FBXO10: variants seen among roughly 807,000 people sequenced by gnomAD.
The protein encoded by FBXO10 is F-box only protein 10.
In FBXO10, 39 loss-of-function variants were observed where a neutral mutation model predicts 80.7. The observed-to-expected ratio is 0.48, with a 90% CI of 0.37 to 0.63. The LOEUF is 0.63. Among genes scored for constraint, FBXO10 ranks in the 30% least tolerant of loss-of-function variants. The probability of loss-of-function intolerance (pLI) is 0.00; values close to 1 mark genes in which losing one functional copy is unlikely to be tolerated. For missense variants in FBXO10, 1,025 were observed against 1,269.0 expected (o/e 0.81, Z 2.92); for synonymous variants, 449 against 489.6 (o/e 0.92, Z 1.09).
chr9:37,513,050 C>T (rs1821103102), intron 10 of FBXO10, among the ~76,000 whole-genome samples: 1 of 152,216 alleles, frequency 6.6e-6, no homozygotes, highest in Admixed American at 6.5e-5. Context: ...ACTGCAGCCT[C>T]AACCTCCTGG....
intron 5 of FBXO10, among the ~76,000 whole-genome samples, chr9:37,528,298 G>T (rs1324397984): frequency 6.6e-6 from 1 of 152,140 alleles, no homozygotes; most frequent in Admixed American, 6.6e-5. Flanking sequence ...GACGTCAAGG[G>T]TCACACTGCA....
intron 1 of FBXO10, among the ~76,000 whole-genome samples, chr9:37,545,627 C>A (rs1409019698): frequency 6.6e-6 from 1 of 152,196 alleles, no homozygotes; most frequent in East Asian, 1.9e-4. Flanking sequence ...TTTCTAGCTC[C>A]ACACGTGAAT....
At chr9:37,574,208 G>A (rs915192350) in intron 1 of FBXO10, among the ~76,000 whole-genome samples, 1 of 152,060 alleles carries the variant, frequency 6.6e-6, no homozygotes, top group Non-Finnish European at 1.5e-5. Flanking sequence ...CAGAGTCTAC[G>A]TATGTTTTTA....
At chr9:37,513,431 AG>A (rs1331969590) in intron 10 of FBXO10, among the ~76,000 whole-genome samples, 2 of 152,222 alleles carry the variant, frequency 1.3e-5, no homozygotes, top group Non-Finnish European at 2.9e-5. Context: ...ACACCCATAC[AG>A]GGGAAGACTA....
chr9:37,512,155 C>A lies in FBXO10; in HGVS notation c.*392G>T, dbSNP rs1228767409. On this transcript the variant is annotated 3_prime_UTR_variant, in exon 11 of 11. Transcript: ENST00000432825. ...TTCTGGAGCAGTTGTCTCTCTCCAC[C>A]TCACTAGAATCACTTCCCGCCATCA... 1 of 157,602 alleles carries A rather than the reference C, an allele frequency of 6.3e-6. No homozygotes were observed. The highest frequency in any genetic ancestry group is 2.4e-5 in the African/African-American group (1 of 41,630). The allele number at this position is 157,602 out of a possible 1,614,324, so 9.8% of individuals were successfully genotyped here. A position where few individuals can be genotyped will look rare whatever the true frequency, so the allele number is the denominator to read the frequency against.
At chr9:37,515,811 C>A in intron 10 of FBXO10, 93 bp downstream of exon 10, 3 of 1,362,272 alleles carry the variant, frequency 2.2e-6, no homozygotes, top group Non-Finnish European at 3.0e-6. Flanking sequence ...TGCAGGGAGC[C>A]CGGGCAGCCA....
intron 1 of FBXO10, among the ~76,000 whole-genome samples, chr9:37,565,441 T>C (rs559009490): frequency 2.0e-5 from 3 of 152,164 alleles, no homozygotes; most frequent in Non-Finnish European, 2.9e-5. Context: ...AGGGGCACAA[T>C]ATTAAGTGCT....
intron 5 of FBXO10, among the ~76,000 whole-genome samples, chr9:37,528,063 C>T (rs541951797): frequency 2.0e-5 from 3 of 152,338 alleles, no homozygotes; most frequent in Non-Finnish European, 2.9e-5. Context: ...TGGGGGAAAG[C>T]GCTCTGAATA....
intron 1 of FBXO10, among the ~76,000 whole-genome samples, chr9:37,558,941 G>A (rs1392782433): frequency 3.3e-5 from 5 of 151,882 alleles, no homozygotes; most frequent in Non-Finnish European, 7.4e-5. Context: ...CTCCCGAGTA[G>A]CTGCGATTAC....
rs770678386 is a variant in FBXO10 at position 37,521,623 on chromosome 9, G to A, written c.2146C>T (p.Arg716Cys). ...TELEKEDDPL[R>C]RPITIALVES... ...ACAAGAGCTATGGTGATGGGCCGGC[G>A]CAGTGGGTCGTCCTCCTTCTCCAGC... Residue 716 changes from arginine (R) to cysteine (C), a missense_variant, in exon 8 of 11, where the codon CGC becomes TGC. Physicochemically the swap from Arg to Cys is radical, Grantham distance 180. Coordinates refer to ENST00000432825, the MANE Select transcript of FBXO10 (RefSeq NM_012166.3). 9.3e-6 allele frequency: 15 copies of A among 1,613,830 alleles called. No homozygotes were observed. Among genetic ancestry groups the A allele is most frequent in the African/African-American group, 5.3e-5 (4 of 74,922 alleles).
At chr9:37,569,901 A>G (rs1331798413) in intron 1 of FBXO10, among the ~76,000 whole-genome samples, 3 of 152,264 alleles carry the variant, frequency 2.0e-5, no homozygotes, top group Non-Finnish European at 2.9e-5. Context: ...GTCATAAATA[A>G]AGGATAATTA....
intron 1 of FBXO10, among the ~76,000 whole-genome samples, chr9:37,560,969 C>T (rs567747587): frequency 2.0e-5 from 3 of 152,140 alleles, no homozygotes; most frequent in South Asian, 2.1e-4. Flanking sequence ...GGTGAAACCC[C>T]GTCTCTACTA....
At chr9:37,518,037 G>T in intron 9 of FBXO10, 88 bp downstream of exon 9, 2 of 1,345,660 alleles carry the variant, frequency 1.5e-6, no homozygotes, top group Middle Eastern at 3.9e-4. Context: ...AGTGATTACG[G>T]TTCTGTTCTC....
chr9:37,572,120 CA>C (rs971237898), intron 1 of FBXO10, among the ~76,000 whole-genome samples: 1 of 150,712 alleles, frequency 6.6e-6, no homozygotes, highest in Non-Finnish European at 1.5e-5. Context: ...ACCCTGTTTC[CA>C]AAAAAAAGAA....
chr9:37,516,259 A>G (rs1172841778), intron 9 of FBXO10, among the ~76,000 whole-genome samples, 174 bp from the exon 10 acceptor site: 1 of 152,212 alleles, frequency 6.6e-6, no homozygotes, highest in Non-Finnish European at 1.5e-5. Context: ...GAGCCAGGGA[A>G]GGCTTCCTGG....
chr9:37,553,771 C>T (rs1822267618), intron 1 of FBXO10, among the ~76,000 whole-genome samples: 1 of 149,974 alleles, frequency 6.7e-6, no homozygotes, highest in Non-Finnish European at 1.5e-5. Context: ...AAAAATTAGC[C>T]AGGCGTGGTG....
Position 37,529,114 on chromosome 9 carries a change from C to T in FBXO10, c.1706+10G>A, listed in dbSNP as rs757254419. ...TAACAAAGATGAAGGAGGGAAACAG[C>T]AGCACACACCTCACAACGGGGTTTC... is the stretch of plus-strand genomic sequence containing the variant. On this transcript the variant is annotated intron_variant, in intron 5 of 10. Coordinates refer to ENST00000432825, the MANE Select transcript of FBXO10 (RefSeq NM_012166.3). 1.5e-5 allele frequency: 24 copies of T among 1,613,802 alleles called. No homozygotes were observed. The African/African-American group carries it at 2.1e-4, about 14-fold the overall frequency.
At chr9:37,540,379 T>A (rs1821880646) in intron 2 of FBXO10, among the ~76,000 whole-genome samples, 1 of 151,934 alleles carries the variant, frequency 6.6e-6, no homozygotes, top group Admixed American at 6.6e-5. Context: ...TAGAGACAGG[T>A]TTCACCATGT....
chr9:37,552,691 C>CAAAAA (rs779389401), intron 1 of FBXO10, among the ~76,000 whole-genome samples: 35 of 95,158 alleles, frequency 3.7e-4, no homozygotes, highest in Admixed American at 4.7e-4. Context: ...GACTCCATAT[C>CAAAAA]AAAAAAAAAA....
Sources: gnomAD v4.1 joint callset for allele counts (sites outside exome capture counted in the v4.1 genomes callset) on GRCh38, gnomAD v4.1.1 for gene constraint, MANE v1.5 for transcripts, NCBI Gene and HGNC (gene_info 2026-07-23, HGNC 2026-07-21) for gene names.